The following ANKS1B variants were observed in gnomAD, a reference collection of about 807,000 sequenced individuals.
The protein encoded by ANKS1B is ankyrin repeat and sterile alpha motif domain containing 1B.
A neutral mutation model predicts 148.3 loss-of-function variants in ANKS1B; 36 were observed. That is an observed-to-expected ratio of 0.24 (90% CI 0.19 to 0.32). ANKS1B has a LOEUF of 0.32. Ranked by LOEUF, ANKS1B falls within the 10% of genes least tolerant of loss-of-function variation. The pLI, the probability that ANKS1B is intolerant of heterozygous loss-of-function variation, is 1.00. For missense variants in ANKS1B, 1,157 were observed against 1,542.6 expected, an observed-to-expected ratio of 0.75 and a Z score of 4.19; for synonymous variants, 542 against 560.8, an observed-to-expected ratio of 0.97 and a Z score of 0.47.
At chr12:98,916,145 G>C (rs1198583345) in intron 17 of ANKS1B, among the ~76,000 whole-genome samples, 2 of 152,176 alleles carry the variant, frequency 1.3e-5, no homozygotes, top group Non-Finnish European at 2.9e-5. Context: ...TATTATTCAG[G>C]AAGTAATAAA....
intron 17 of ANKS1B, among the ~76,000 whole-genome samples, chr12:98,836,361 T>C (rs566279445): frequency 2.0e-5 from 3 of 152,196 alleles, no homozygotes; most frequent in Admixed American, 6.5e-5. Context: ...GAAATACACA[T>C]ATAGACCAAG....
chr12:99,155,026 C>T lies in ANKS1B; in HGVS notation c.2420-631G>A, dbSNP rs1161101451. The stretch of plus-strand genomic sequence containing the variant: ...CAGTCAAAACAAATGCAGAAAATAG[C>T]AAGATTCAAAAGCAAACCAAAGTGC... On this transcript the variant is annotated intron_variant, in intron 14 of 26. Coordinates refer to ENST00000683438, the MANE Select transcript of ANKS1B (RefSeq NM_001352186.2). The T allele has an allele frequency of 4.6e-6, 7 of 1,535,096 alleles. No homozygotes were observed. In the East Asian group the frequency reaches 7.3e-5, roughly 16 times the overall value.
At chr12:99,797,182 A>G (rs934330786) in intron 4 of ANKS1B, among the ~76,000 whole-genome samples, 1 of 151,390 alleles carries the variant, frequency 6.6e-6, no homozygotes. Context: ...CCTTCTTTTC[A>G]TCAGAGATTA....
intron 8 of ANKS1B, among the ~76,000 whole-genome samples, chr12:99,737,880 A>C (rs1191831051): frequency 6.6e-6 from 1 of 152,012 alleles, no homozygotes; most frequent in Non-Finnish European, 1.5e-5. Context: ...CCAATTACCA[A>C]CTATTCATCA....
At chr12:99,568,053 C>A (rs2153220015) in intron 9 of ANKS1B, among the ~76,000 whole-genome samples, 1 of 152,262 alleles carries the variant, frequency 6.6e-6, no homozygotes. Flanking sequence ...GTATTAGTTT[C>A]TTATTGCTGC....
rs925868475 is a variant in ANKS1B, at chr12:99,775,589, T to C, written c.920A>G (p.His307Arg). ...AGGAGACTCAACAGGAGATGAAATGTGTGTTTCTTGTGTTGCATCTTCCTG... is the reference window on the plus strand; with the variant it reads ...AGGAGACTCAACAGGAGATGAAATGCGTGTTTCTTGTGTTGCATCTTCCTG... ...PVQEDATQET[H>R]ISSPVESPSQ... The change falls in exon 7 of 27, where the codon CAC becomes CGC. Residue 307 changes from histidine to arginine, a missense_variant. His to Arg is a conservative substitution (Grantham distance 29). Coordinates refer to ENST00000683438, the MANE Select transcript of ANKS1B (RefSeq NM_001352186.2). 6.2e-7 allele frequency: 1 copy of C among 1,613,354 alleles called. No homozygotes were observed. Among genetic ancestry groups the C allele is most frequent in the Non-Finnish European group, 8.5e-7 (1 of 1,179,562 alleles).
At chr12:99,060,374 A>G (rs1022931293) in intron 16 of ANKS1B, among the ~76,000 whole-genome samples, 1 of 152,038 alleles carries the variant, frequency 6.6e-6, no homozygotes, top group African/African-American at 2.4e-5. Context: ...TGAGGGGGTC[A>G]GCTACGGGGC....
chr12:99,720,355 A>G lies in ANKS1B; in HGVS notation c.1128+52567T>C, dbSNP rs544743384. Among the ~76,000 whole-genome samples, 26 of 152,346 alleles carry G rather than the reference A, an allele frequency of 1.7e-4. No individual in the cohort carries two copies. In the South Asian group the frequency reaches 2.5e-3, roughly 15 times the overall value. On this transcript the variant is annotated intron_variant, in intron 8 of 26. Transcript: ENST00000683438. ...GTAGAGGCCTTTCCTACGGGGTCTAAGAAGGCCACCGCAGTCATTTCTTTC... is the reference window on the plus strand; with the variant it reads ...GTAGAGGCCTTTCCTACGGGGTCTAGGAAGGCCACCGCAGTCATTTCTTTC...
intron 9 of ANKS1B, among the ~76,000 whole-genome samples, chr12:99,552,489 ACT>A (rs1461674332): frequency 6.6e-6 from 1 of 152,158 alleles, no homozygotes; most frequent in Admixed American, 6.5e-5. Context: ...GACACATAAA[ACT>A]CTCACTAAAT....
chr12:99,282,109 G>A (rs537590718), intron 12 of ANKS1B, among the ~76,000 whole-genome samples: 2 of 152,278 alleles, frequency 1.3e-5, no homozygotes, highest in African/African-American at 4.8e-5. Flanking sequence ...TGTGTTGTGA[G>A]GGGAGGAATT....
chr12:98,947,659 A>G (rs1272237170), intron 17 of ANKS1B, among the ~76,000 whole-genome samples: 5 of 152,194 alleles, frequency 3.3e-5, no homozygotes, highest in African/African-American at 1.2e-4. Context: ...CCTACTTAAA[A>G]TATTTTCCTT....
At chr12:99,483,611 T>G (rs1468048047) in intron 10 of ANKS1B, among the ~76,000 whole-genome samples, 2 of 152,066 alleles carry the variant, frequency 1.3e-5, no homozygotes, top group Non-Finnish European at 2.9e-5. Flanking sequence ...AGAATTCAGC[T>G]GTGAATCCAT....
At chr12:99,300,010 T>G (rs1161780073) in intron 12 of ANKS1B, among the ~76,000 whole-genome samples, 1 of 152,176 alleles carries the variant, frequency 6.6e-6, no homozygotes, top group Non-Finnish European at 1.5e-5. Flanking sequence ...ATCAAATCAA[T>G]TTTGGGACAA....
intron 9 of ANKS1B, among the ~76,000 whole-genome samples, chr12:99,517,639 G>T (rs2096835021): frequency 6.6e-6 from 1 of 151,790 alleles, no homozygotes; most frequent in African/African-American, 2.4e-5. Flanking sequence ...TGAGGCAGGA[G>T]AATCGCTTGA....
intron 8 of ANKS1B, among the ~76,000 whole-genome samples, chr12:99,721,751 A>G (rs2058108239): frequency 6.6e-6 from 1 of 152,238 alleles, no homozygotes. Flanking sequence ...TTGGTGAAGT[A>G]TGTATGTCAA....
At chr12:99,945,317 T>C (rs922798236) in intron 1 of ANKS1B, among the ~76,000 whole-genome samples, 1 of 146,972 alleles carries the variant, frequency 6.8e-6, no homozygotes, top group Non-Finnish European at 1.5e-5. Context: ...GCAAAGGCCC[T>C]GAAGTAGGAA....
chr12:99,026,508 A>C (rs1181566633), intron 17 of ANKS1B, among the ~76,000 whole-genome samples: 6 of 152,132 alleles, frequency 3.9e-5, no homozygotes, highest in African/African-American at 1.2e-4. Context: ...CCTTCCCCAG[A>C]GTAGACAAAG....
chr12:99,435,585 G>A (rs2095446698), intron 11 of ANKS1B, among the ~76,000 whole-genome samples: 1 of 151,948 alleles, frequency 6.6e-6, no homozygotes, highest in Non-Finnish European at 1.5e-5. Flanking sequence ...ACAGCACCAT[G>A]GCACCTTTTA....
In ANKS1B at chr12:98,744,049, T is replaced by TAAC. The variant is rs2097829614; in HGVS notation, c.*1687_*1689dup. The TAAC allele has an allele frequency of 1.0e-6, 1 of 983,666 alleles. No individual in the cohort carries two copies. Among genetic ancestry groups the TAAC allele is most frequent in the Non-Finnish European group, 1.2e-6 (1 of 828,298 alleles). 60.9% of individuals were successfully genotyped at this position (983,666 alleles called of 1,614,324 possible). A position where few individuals can be genotyped will look rare whatever the true frequency, so the allele number is the denominator to read the frequency against. On this transcript the variant is annotated 3_prime_UTR_variant, in exon 27 of 27. Transcript: ENST00000683438. ...ATAATGACAAAAATTACAAAATTTA[T>TAAC]AACTGGAAGCCCAAGCTTATTTACA... is the stretch of plus-strand genomic sequence containing the variant.
Sources: gnomAD v4.1 joint callset for allele counts (sites outside exome capture counted in the v4.1 genomes callset) on GRCh38, gnomAD v4.1.1 for gene constraint, MANE v1.5 for transcripts, NCBI Gene and HGNC (gene_info 2026-07-23, HGNC 2026-07-21) for gene names.